The following ZNF699 variants were observed in gnomAD, a reference collection of about 807,000 sequenced individuals.
ZNF699 encodes hangover homolog.
In ZNF699, 18 loss-of-function variants were observed where a neutral mutation model predicts 22.5. The observed-to-expected ratio is 0.80, with a 90% CI of 0.55 to 1.19. The LOEUF is 1.19. Among genes scored for constraint, ZNF699 ranks in the 50% most tolerant of loss-of-function variants. The probability of loss-of-function intolerance (pLI) is 0.00; values close to 1 mark genes in which losing one functional copy is unlikely to be tolerated. For missense variants in ZNF699, 670 were observed against 763.4 expected, an observed-to-expected ratio of 0.88 and a Z score of 1.44; for synonymous variants, 241 against 262.3, an observed-to-expected ratio of 0.92 and a Z score of 0.78.
At chr19:9,308,471 A>C (rs182114916) in intron 1 of ZNF699, among the ~76,000 whole-genome samples, 134 of 152,278 alleles carry the variant, frequency 8.8e-4, no homozygotes, top group Middle Eastern at 3.4e-3. Context: ...CTAAAACCTG[A>C]TTACACCCAG....
At position 9,292,733 on chromosome 19, in the gene ZNF699, A is replaced by G. The variant is rs2066269512; in HGVS notation, c.*2742T>C. Among the ~76,000 whole-genome samples the G allele has an allele frequency of 6.6e-6, 1 of 152,070 alleles. No homozygotes were observed. Among genetic ancestry groups the G allele is most frequent in the Non-Finnish European group, 1.5e-5 (1 of 68,020 alleles). On this transcript the variant is annotated 3_prime_UTR_variant, in exon 6 of 6. Transcript: ENST00000591998. ...TTTATGTATATATGTAATATATGAT[A>G]CATGGTTTATACATATCTATGCATG...
chr19:9,304,197 T>C (rs563854906), intron 2 of ZNF699, among the ~76,000 whole-genome samples: 21 of 152,092 alleles, frequency 1.4e-4, no homozygotes, highest in African/African-American at 4.8e-4. Flanking sequence ...CCAGAACATA[T>C]TGAAGAAATG....
Position 9,293,943 on chromosome 19 carries a change from A to G in ZNF699, c.*1532T>C, listed in dbSNP as rs981880770. ...TTCTTACATTTAAAAAAAAAAAAAA[A>G]GCAGTAAAATCTTTCCTGTTTAAAG... On this transcript the variant is annotated 3_prime_UTR_variant, in exon 6 of 6. Transcript: ENST00000591998. Among the ~76,000 whole-genome samples, 8 of 151,310 alleles carry G rather than the reference A, an allele frequency of 5.3e-5. No individual in the cohort carries two copies. Among genetic ancestry groups the G allele is most frequent in the African/African-American group, 1.9e-4 (8 of 41,348 alleles).
chr19:9,297,732 A>G lies in ZNF699; in HGVS notation c.286+148T>C. 1 of 657,536 alleles carries G rather than the reference A, an allele frequency of 1.5e-6. No homozygotes were observed. Among genetic ancestry groups the G allele is most frequent in the Non-Finnish European group, 2.6e-6 (1 of 387,530 alleles). 40.7% of individuals were successfully genotyped at this position (657,536 alleles called of 1,614,324 possible). A position where few individuals can be genotyped will look rare whatever the true frequency, so the allele number is the denominator to read the frequency against. The stretch of plus-strand genomic sequence containing the variant: ...AAGGTCTTTGCCAAGAACAAGGAAA[A>G]TGCGAGAGGACTGATAAAAAGTCAA... On this transcript the variant is annotated intron_variant, in intron 4 of 5. Transcript: ENST00000591998. The surrounding 1 kb of genome is among the most constrained non-coding windows in gnomAD (Gnocchi z 4.3).
In ZNF699 at chr19:9,295,824, C is replaced by A; in HGVS notation, c.1580G>T (p.Gly527Val). Residue 527 changes from glycine to valine, a missense_variant, in exon 6 of 6, where the codon GGA becomes GTA. Transcript: ENST00000591998. ...TTTCTTACATTCATAGGGTTTCTCT[C>A]CAGTGTGAGTTCTGATATGTACTGT... ...HLTVHIRTHT[G>V]EKPYECKKCG... The A allele has an allele frequency of 6.2e-7, 1 of 1,614,160 alleles. No individual in the cohort carries two copies. The highest frequency in any genetic ancestry group is 2.2e-5 in the East Asian group (1 of 44,884).
intron 3 of ZNF699, among the ~76,000 whole-genome samples, chr19:9,299,948 A>G (rs1002927511): frequency 6.6e-6 from 1 of 152,184 alleles, no homozygotes; most frequent in Non-Finnish European, 1.5e-5. Flanking sequence ...AAATAAGCAT[A>G]TGAAAAGATG....
At position 9,293,267 on chromosome 19, in the gene ZNF699, G is replaced by A. The variant is rs115407436; in HGVS notation, c.*2208C>T. On this transcript the variant is annotated 3_prime_UTR_variant, in exon 6 of 6. Coordinates refer to ENST00000591998, the MANE Select transcript of ZNF699 (RefSeq NM_198535.3). ...ATTACACATCAGGTAAATGCACACTGTCTGCTGGATGACTATAATCAGAAA... is the reference window on the plus strand; with the variant it reads ...ATTACACATCAGGTAAATGCACACTATCTGCTGGATGACTATAATCAGAAA... Among the ~76,000 whole-genome samples the A allele has an allele frequency of 7.0e-3, 1,066 of 151,566 alleles. 9 individuals are homozygous for A. Among genetic ancestry groups the A allele is most frequent in the African/African-American group, 0.024 (1,004 of 41,334 alleles).
At position 9,295,566 on chromosome 19, in the gene ZNF699, TTC is replaced by T. The variant is rs1289509211; in HGVS notation, c.1836_1837del (p.Lys613ThrfsTer3). 1.2e-6 allele frequency: 2 copies of T among 1,614,026 alleles called. No homozygotes were observed. The highest frequency in any genetic ancestry group is 1.7e-6 in the Non-Finnish European group (2 of 1,180,016). ...CCCACATTCCTTACATTCATAGGGTTTCTCTCCAGTGTGGCTTCTCACATGCC... is the reference window on the plus strand; with the variant it reads ...CCCACATTCCTTACATTCATAGGGTTTCTCCAGTGTGGCTTCTCACATGCC... On this transcript the variant is annotated frameshift_variant, in exon 6 of 6. Coordinates refer to ENST00000591998, the MANE Select transcript of ZNF699 (RefSeq NM_198535.3). LOFTEE classifies it low-confidence loss of function (END_TRUNC).
chr19:9,295,931 G>GGT lies in ZNF699; in HGVS notation c.1471_1472dup (p.Glu492ProfsTer4). On this transcript the variant is annotated frameshift_variant, in exon 6 of 6. Coordinates refer to ENST00000591998, the MANE Select transcript of ZNF699 (RefSeq NM_198535.3). LOFTEE classifies it low-confidence loss of function (END_TRUNC). Reference sequence around the variant, plus strand: ...CTCCGCTGTGAGTTCTTAGGTGTTCGGTGAGGGATGAGGAACGACTAAAGG... The same window carrying GGT: ...CTCCGCTGTGAGTTCTTAGGTGTTCGGTGTGAGGGATGAGGAACGACTAAAGG... 1 of 1,613,464 alleles carries GGT rather than the reference G, an allele frequency of 6.2e-7. No homozygotes were observed. The highest frequency in any genetic ancestry group is 8.5e-7 in the Non-Finnish European group (1 of 1,179,890).
At chr19:9,299,335 C>A (rs376608648) in intron 3 of ZNF699, among the ~76,000 whole-genome samples, 15 of 152,284 alleles carry the variant, frequency 9.9e-5, no homozygotes, top group African/African-American at 3.4e-4. Context: ...GGGGTTACAC[C>A]GTGTTAGCCA....
At chr19:9,298,584 A>G (rs1481468861) in intron 3 of ZNF699, among the ~76,000 whole-genome samples, 1 of 152,194 alleles carries the variant, frequency 6.6e-6, no homozygotes, top group Non-Finnish European at 1.5e-5. Context: ...CTCCTATAGA[A>G]TATAAATAAT....
At position 9,302,467 on chromosome 19, in the gene ZNF699, G is replaced by A; in HGVS notation, c.86C>T (p.Thr29Ile). ...VVFEDVAVDFTQEEWALLDLA... is the reference protein window; with the variant it reads ...VVFEDVAVDFIQEEWALLDLA... ...ATCCAGCAAAGCCCATTCCTCCTGGGTAAAGTCCACAGCCACATCCTCAAA... is the reference window on the plus strand; with the variant it reads ...ATCCAGCAAAGCCCATTCCTCCTGGATAAAGTCCACAGCCACATCCTCAAA... The change falls in exon 3 of 6, where the codon ACC becomes ATC. Residue 29 changes from threonine (T) to isoleucine (I), a missense_variant. Thr to Ile is a moderately conservative substitution (Grantham distance 89). Transcript: ENST00000591998. 1 of 1,613,862 alleles carries A rather than the reference G, an allele frequency of 6.2e-7. No homozygotes were observed. Among genetic ancestry groups the A allele is most frequent in the Non-Finnish European group, 8.5e-7 (1 of 1,179,878 alleles).
rs150705879 is a variant in ZNF699, at chr19:9,302,084, T to G, written c.175+294A>C. Among the ~76,000 whole-genome samples the G allele has an allele frequency of 5.0e-4, 76 of 152,172 alleles. 1 individual carries two copies. The highest frequency in any genetic ancestry group is 1.8e-3 in the African/African-American group (73 of 41,510). On this transcript the variant is annotated intron_variant, in intron 3 of 5. Transcript: ENST00000591998. Reference sequence around the variant, plus strand: ...CGCCTGGCTAATTTTGTGTTTTTAGTAGAGACGGGGTTTCTCCATGTTGGT... The same window carrying G: ...CGCCTGGCTAATTTTGTGTTTTTAGGAGAGACGGGGTTTCTCCATGTTGGT...
chr19:9,302,505 C>G lies in ZNF699; in HGVS notation c.49-1G>C. On this transcript the variant is annotated splice_acceptor_variant, in intron 2 of 5. Transcript: ENST00000591998. LOFTEE classifies it high-confidence loss of function. ...CCACATCCTCAAAGACTACTGAGTC[C>G]TAAAACATACCACAAATTCTGTTCA... The G allele has an allele frequency of 6.2e-7, 1 of 1,605,218 alleles. No homozygotes were observed. The highest frequency in any genetic ancestry group is 8.5e-7 in the Non-Finnish European group (1 of 1,175,842).
rs1297241492 is a variant in ZNF699 at position 9,295,782 on chromosome 19, A to G, written c.1622T>C (p.Ile541Thr). The G allele has an allele frequency of 6.2e-7, 1 of 1,613,294 alleles. No individual in the cohort carries two copies. The highest frequency in any genetic ancestry group is 1.1e-5 in the South Asian group (1 of 91,026). ...GTGGATCCTAAGGGCTGAGGGATAA[A>G]TAAAGGCTTTCCCACATTTCTTACA... The part of the protein sequence containing the change: ...YECKKCGKAF[I>T]YPSALRIHMR... The change falls in exon 6 of 6, where the codon ATT (isoleucine) becomes ACT (threonine). Residue 541 changes from isoleucine (I) to threonine (T), a missense_variant. Ile to Thr is a moderately conservative substitution (Grantham distance 89). Transcript: ENST00000591998.
chr19:9,299,196 A>G (rs2066298038), intron 3 of ZNF699, among the ~76,000 whole-genome samples: 1 of 152,168 alleles, frequency 6.6e-6, no homozygotes, highest in Admixed American at 6.5e-5. Context: ...GTGCAGTGCC[A>G]CAATCTCAGC....
chr19:9,306,393 A>C (rs1314671960), intron 1 of ZNF699, among the ~76,000 whole-genome samples: 3 of 150,688 alleles, frequency 2.0e-5, no homozygotes, highest in African/African-American at 7.3e-5. Flanking sequence ...CTCCATCTCA[A>C]AAAAAAAAAA....
chr19:9,305,288 T>TACACACACACACACACAC (rs2066323616), intron 1 of ZNF699, among the ~76,000 whole-genome samples, 164 bp from the exon 2 acceptor site: 3 of 150,224 alleles, frequency 2.0e-5, no homozygotes, highest in African/African-American at 7.5e-5. Context: ...CACACACACA[T>TACACACACACACACACAC]GCACACACCC....
At position 9,292,704 on chromosome 19, in the gene ZNF699, A is replaced by G. The variant is rs1440270534; in HGVS notation, c.*2771T>C. On this transcript the variant is annotated 3_prime_UTR_variant, in exon 6 of 6. Coordinates refer to ENST00000591998, the MANE Select transcript of ZNF699 (RefSeq NM_198535.3). The stretch of plus-strand genomic sequence containing the variant: ...TGTAATGTATGTATATATAATATAC[A>G]TATTTTATGTATATATGTAATATAT... Among the ~76,000 whole-genome samples the G allele has an allele frequency of 6.6e-6, 1 of 152,092 alleles. No homozygotes were observed. The highest frequency in any genetic ancestry group is 1.5e-5 in the Non-Finnish European group (1 of 68,022).
Sources: allele counts gnomAD v4.1 joint callset (sites outside exome capture counted in the v4.1 genomes callset), GRCh38; gene constraint gnomAD v4.1.1; non-coding constraint Gnocchi (gnomAD v3.1); transcripts MANE v1.5; gene names NCBI Gene and HGNC (gene_info 2026-07-23, HGNC 2026-07-21).